Variants in DDR2 observed in about 807,000 individuals in gnomAD.
DDR2 encodes discoidin domain receptor tyrosine kinase 2.
DDR2 carries 27 observed loss-of-function variants against 94.9 expected under a neutral mutation model. The observed-to-expected ratio is 0.28, with a 90% CI of 0.21 to 0.39. The LOEUF is 0.39. DDR2 is among the 10% of genes least tolerant of loss of function. DDR2 has a pLI of 1.00. For missense variants in DDR2, 783 were observed against 1,076.0 expected (o/e 0.73, Z 3.81); for synonymous variants, 382 against 377.2 (o/e 1.01, Z -0.15).
chr1:162,661,604 G>A (rs962231394), intron 2 of DDR2, among the ~76,000 whole-genome samples: 22 of 152,206 alleles, frequency 1.4e-4, no homozygotes, highest in African/African-American at 5.3e-4. Context: ...CCAAGGATCA[G>A]GAAATACAGA....
intron 14 of DDR2, 39 bp from the exon 15 acceptor site, chr1:162,775,613 G>A (rs1647498604): frequency 1.2e-6 from 2 of 1,607,822 alleles, no homozygotes; most frequent in South Asian, 1.1e-5. Context: ...TTCTGACTCT[G>A]GCAACTTCTG....
chr1:162,786,548 C>G lies in DDR2; in HGVS notation c.*6302C>G, dbSNP rs1648156385. 1 of 152,136 alleles carries G rather than the reference C, an allele frequency of 6.6e-6. No homozygotes were observed. Among genetic ancestry groups the G allele is most frequent in the South Asian group, 2.1e-4 (1 of 4,822 alleles). 9.4% of individuals were successfully genotyped at this position (152,136 alleles called of 1,614,324 possible). A position where few individuals can be genotyped will look rare whatever the true frequency, so the allele number is the denominator to read the frequency against. ...CTGTCAGATGATAAATTGTAAATAA[C>G]AATGATTAAAGAGTCATGCTACTGA... On this transcript the variant is annotated 3_prime_UTR_variant, in exon 18 of 18. Coordinates refer to ENST00000367921, the MANE Select transcript of DDR2 (RefSeq NM_006182.4).
At chr1:162,647,843 T>G (rs928978683) in intron 1 of DDR2, among the ~76,000 whole-genome samples, 1 of 152,194 alleles carries the variant, frequency 6.6e-6, no homozygotes, top group Non-Finnish European at 1.5e-5. Context: ...TAGGTTTCTT[T>G]ACTGCATCCT....
intron 2 of DDR2, among the ~76,000 whole-genome samples, chr1:162,687,858 G>A (rs1468642436): frequency 6.6e-6 from 1 of 152,138 alleles, no homozygotes; most frequent in Admixed American, 6.6e-5. Flanking sequence ...AAGCATTAAT[G>A]GGGTCACGAG....
chr1:162,755,575 G>T, intron 6 of DDR2, 89 bp from the exon 7 acceptor site: 2 of 1,297,908 alleles, frequency 1.5e-6, no homozygotes, highest in Non-Finnish European at 2.2e-6. Flanking sequence ...TGGACACGCT[G>T]TGCAAGCTTA....
chr1:162,674,575 G>A (rs1659037853), intron 2 of DDR2, among the ~76,000 whole-genome samples: 1 of 152,206 alleles, frequency 6.6e-6, no homozygotes, highest in South Asian at 2.1e-4. Context: ...CTGGTAAAGT[G>A]TGACATTTAT....
intron 2 of DDR2, among the ~76,000 whole-genome samples, chr1:162,671,692 C>T (rs538986174): frequency 6.6e-6 from 1 of 152,282 alleles, no homozygotes; most frequent in African/African-American, 2.4e-5. Context: ...AAGCTCTTGT[C>T]TGGAATCTCT....
At chr1:162,754,995 G>T in intron 5 of DDR2, 140 bp downstream of exon 5, 1 of 1,413,672 alleles carries the variant, frequency 7.1e-7, no homozygotes, top group Non-Finnish European at 9.8e-7. Flanking sequence ...GACCCAGGGT[G>T]AGGGAGGCAG....
rs775098890 is a variant in DDR2 at position 162,770,426 on chromosome 1, G to T, written c.1418G>T (p.Arg473Leu). The T allele has an allele frequency of 6.2e-7, 1 of 1,613,988 alleles. No homozygotes were observed. Among genetic ancestry groups the T allele is most frequent in the Non-Finnish European group, 8.5e-7 (1 of 1,180,000 alleles). ...SEQGSNSTYD[R>L]IFPLRPDYQE... ...CAAGGGTCCAACTCGACTTACGATC[G>T]CATCTTTCCCCTTCGCCCTGACTAC... The change falls in exon 12 of 18, where the codon CGC (arginine) becomes CTC (leucine). Residue 473 changes from arginine (R) to leucine (L), a missense_variant. By Grantham distance (102) the Arg-to-Leu change is moderately radical (BLOSUM62 -2). Transcript: ENST00000367921.
rs1165853563 is a variant in DDR2, at chr1:162,746,052, T to A, written c.83-7043T>A. ...CAGCTCCAGTCTACAGCTCCCAGTG[T>A]GAGCAACGCAGAAGATGGGTGATTT... On this transcript the variant is annotated intron_variant, in intron 3 of 17. Coordinates refer to ENST00000367921, the MANE Select transcript of DDR2 (RefSeq NM_006182.4). Among the ~76,000 whole-genome samples the A allele has an allele frequency of 4.6e-5, 7 of 152,346 alleles. No individual in the cohort carries two copies. The East Asian group carries it at 1.4e-3, about 29-fold the overall frequency.
chr1:162,729,300 A>ATATATTTTTTTTTTTT (rs1416872679), intron 3 of DDR2, among the ~76,000 whole-genome samples: 32 of 93,988 alleles, frequency 3.4e-4, no homozygotes, highest in African/African-American at 1.6e-3. Context: ...ATATATATAT[A>ATATATTTTTTTTTTTT]TTTTTTTTTT....
intron 3 of DDR2, among the ~76,000 whole-genome samples, chr1:162,728,204 A>T (rs185785753): frequency 6.9e-6 from 1 of 144,754 alleles, no homozygotes; most frequent in Non-Finnish European, 1.5e-5. Context: ...AGATAGATAT[A>T]TCTTTATATA....
intron 3 of DDR2, among the ~76,000 whole-genome samples, chr1:162,750,939 C>T (rs1250924816): frequency 4.6e-5 from 7 of 152,130 alleles, no homozygotes; most frequent in African/African-American, 1.4e-4. Flanking sequence ...AACTGGCTAG[C>T]CATACGTAGA....
At chr1:162,649,835 CA>C (rs1478826963) in intron 1 of DDR2, among the ~76,000 whole-genome samples, 1 of 152,208 alleles carries the variant, frequency 6.6e-6, no homozygotes, top group African/African-American at 2.4e-5. Flanking sequence ...CACTAATTCC[CA>C]ATGGTCACTT....
chr1:162,655,770 GTTTTTAT>G (rs773441474), intron 2 of DDR2, among the ~76,000 whole-genome samples: 10 of 152,050 alleles, frequency 6.6e-5, no homozygotes, highest in Non-Finnish European at 1.3e-4. Context: ...ATTACAATTT[GTTTTTAT>G]TTTTTATTTT....
intron 1 of DDR2, among the ~76,000 whole-genome samples, chr1:162,637,365 A>G (rs1656877732): frequency 6.6e-6 from 1 of 152,136 alleles, no homozygotes; most frequent in Non-Finnish European, 1.5e-5. Flanking sequence ...GTGTTATGCC[A>G]TAAATAGGAC....
At chr1:162,757,612 A>G (rs1663521901) in intron 7 of DDR2, among the ~76,000 whole-genome samples, 1 of 152,232 alleles carries the variant, frequency 6.6e-6, no homozygotes, top group African/African-American at 2.4e-5. Context: ...CTTATTCTTC[A>G]TAAACATTAT....
rs573877667 is a variant in DDR2 at position 162,708,529 on chromosome 1, G to A, written c.-27-10508G>A. Among the ~76,000 whole-genome samples the A allele has an allele frequency of 9.9e-5, 15 of 152,242 alleles. 1 individual carries two copies. The South Asian group carries it at 3.1e-3, about 32-fold the overall frequency. ...CTGAACTGGAAGGTTCTTGAGGTAT[G>A]AGCACTCTCACTCACGGTATTGATC... On this transcript the variant is annotated intron_variant, in intron 2 of 17. Transcript: ENST00000367921.
chr1:162,722,926 A>G (rs143184427), intron 3 of DDR2, among the ~76,000 whole-genome samples: 58 of 152,348 alleles, frequency 3.8e-4, no homozygotes, highest in African/African-American at 1.3e-3. Flanking sequence ...TTTTGCAAGA[A>G]AGACTACTTG....
Sources: allele counts gnomAD v4.1 joint callset (sites outside exome capture counted in the v4.1 genomes callset), GRCh38; gene constraint gnomAD v4.1.1; transcripts MANE v1.5; gene names NCBI Gene and HGNC (gene_info 2026-07-23, HGNC 2026-07-21).